TP63: variants seen among roughly 807,000 people sequenced by gnomAD.
TP63 encodes the protein tumor protein p63, also known as tumor protein 63.
In TP63, 17 loss-of-function variants were observed where a neutral mutation model predicts 82.8. The observed-to-expected ratio is 0.21, with a 90% CI of 0.14 to 0.31. The LOEUF is 0.31. Among genes scored for constraint, TP63 ranks in the 10% least tolerant of loss-of-function variants. TP63 has a pLI of 1.00. For missense variants in TP63, 648 were observed against 895.3 expected (o/e 0.72, Z 3.52); for synonymous variants, 330 against 321.7 (o/e 1.03, Z -0.28).
At chr3:189,603,390 A>G in the TP63 span, among the ~76,000 whole-genome samples, 1 of 152,054 alleles carries the variant, frequency 6.6e-6, no homozygotes, top group African/African-American at 2.4e-5. Context: ...TCTTCTCCTT[A>G]TCCTTCTGAG....
At chr3:189,706,788 G>C (rs528344552) in intron 1 of TP63, among the ~76,000 whole-genome samples, 1 of 152,164 alleles carries the variant, frequency 6.6e-6, no homozygotes, top group Non-Finnish European at 1.5e-5. Context: ...ATAGATAAGG[G>C]AGGATCACAG....
At chr3:189,640,968 T>A (rs964825248) in intron 1 of TP63, among the ~76,000 whole-genome samples, 1 of 152,124 alleles carries the variant, frequency 6.6e-6, no homozygotes, top group Admixed American at 6.6e-5. Flanking sequence ...AACATATGCC[T>A]TTTGGATTTT....
At chr3:189,664,222 C>T (rs1319892764) in intron 1 of TP63, among the ~76,000 whole-genome samples, 2 of 152,018 alleles carry the variant, frequency 1.3e-5, no homozygotes, top group Non-Finnish European at 2.9e-5. Context: ...ATGTGAACAG[C>T]AACAGGAATA....
chr3:189,703,471 C>A (rs1288611781), intron 1 of TP63, among the ~76,000 whole-genome samples: 1 of 41,022 alleles, frequency 2.4e-5, no homozygotes, highest in African/African-American at 9.6e-5. Context: ...TAGATACTCT[C>A]CCTGATGCTA....
intron 4 of TP63, among the ~76,000 whole-genome samples, 178 bp from the exon 5 acceptor site, chr3:189,864,054 A>G (rs991789836): frequency 1.3e-5 from 2 of 152,250 alleles, no homozygotes; most frequent in East Asian, 3.8e-4. Context: ...ATAGCACAAA[A>G]TATTAATATA....
intron 1 of TP63, among the ~76,000 whole-genome samples, chr3:189,734,523 G>A (rs11926051): frequency 0.43 from 64,956 of 151,818 alleles, 14,194 homozygotes; most frequent in African/African-American, 0.52. Context: ...ATAAGCTGGA[G>A]ATAATCACTT....
At chr3:189,823,481 G>A (rs1416581755) in intron 4 of TP63, among the ~76,000 whole-genome samples, 1 of 152,194 alleles carries the variant, frequency 6.6e-6, no homozygotes, top group Non-Finnish European at 1.5e-5. Context: ...GTGGAGCTGA[G>A]CACTCAGTCG....
chr3:189,759,219 G>T (rs1465936480), intron 3 of TP63, among the ~76,000 whole-genome samples: 1 of 152,174 alleles, frequency 6.6e-6, no homozygotes, highest in Admixed American at 6.6e-5. Context: ...CAAATTATTG[G>T]ATATCACTCC....
At chr3:189,659,788 T>C (rs1713711573) in intron 1 of TP63, among the ~76,000 whole-genome samples, 3 of 152,118 alleles carry the variant, frequency 2.0e-5, no homozygotes, top group African/African-American at 7.2e-5. Context: ...TTGACTTGCA[T>C]TTTCCTGATG....
At chr3:189,663,504 G>T (rs1714104074) in intron 1 of TP63, among the ~76,000 whole-genome samples, 1 of 144,128 alleles carries the variant, frequency 6.9e-6, no homozygotes, top group Admixed American at 7.2e-5. Flanking sequence ...TAATTTAAGT[G>T]GCTTATTTCA....
chr3:189,612,674 G>A, the TP63 span, among the ~76,000 whole-genome samples: 3 of 152,286 alleles, frequency 2.0e-5, no homozygotes, highest in Non-Finnish European at 4.4e-5. Flanking sequence ...AAGAAGACAG[G>A]AAAATGTGGG....
intron 4 of TP63, among the ~76,000 whole-genome samples, chr3:189,809,022 A>G (rs1727245667): frequency 6.6e-6 from 1 of 152,218 alleles, no homozygotes; most frequent in African/African-American, 2.4e-5. Flanking sequence ...ATGTTTATAC[A>G]TGTAGGTATC....
At chr3:189,854,317 G>A (rs914353500) in intron 4 of TP63, among the ~76,000 whole-genome samples, 7 of 152,090 alleles carry the variant, frequency 4.6e-5, no homozygotes, top group African/African-American at 9.7e-5. Flanking sequence ...GGCGACCCCC[G>A]CCTCCTGAGT....
intron 1 of TP63, among the ~76,000 whole-genome samples, chr3:189,699,166 C>A (rs1293811643): frequency 6.6e-6 from 1 of 151,868 alleles, no homozygotes; most frequent in Non-Finnish European, 1.5e-5. Context: ...GTGTTCCACG[C>A]TTACTGCCTC....
At chr3:189,670,663 A>C (rs143734986) in intron 1 of TP63, among the ~76,000 whole-genome samples, 94 of 152,198 alleles carry the variant, frequency 6.2e-4, no homozygotes, top group African/African-American at 2.1e-3. Context: ...TATGCTACAA[A>C]GCATTAGTAA....
At position 189,737,872 on chromosome 3, in the gene TP63, A is replaced by C; in HGVS notation, c.191+4A>C. On this transcript the variant is annotated splice_donor_region_variant and intron_variant, in intron 2 of 13. Coordinates refer to ENST00000264731, the MANE Select transcript of TP63 (RefSeq NM_003722.5). ...ATATCTGGGATTTTCTGGAACAGTAAGTATAAAACAAGCAAGAAATGTTTT... is the reference window on the plus strand; with the variant it reads ...ATATCTGGGATTTTCTGGAACAGTACGTATAAAACAAGCAAGAAATGTTTT... The C allele has an allele frequency of 6.2e-7, 1 of 1,613,862 alleles. No individual in the cohort carries two copies. The highest frequency in any genetic ancestry group is 8.5e-7 in the Non-Finnish European group (1 of 1,179,806).
the TP63 span, among the ~76,000 whole-genome samples, chr3:189,617,521 A>G: frequency 6.6e-6 from 1 of 152,110 alleles, no homozygotes. Context: ...TACATTATTG[A>G]GGTTGCAAAA....
At chr3:189,811,553 A>T (rs1027008984) in intron 4 of TP63, among the ~76,000 whole-genome samples, 2 of 152,226 alleles carry the variant, frequency 1.3e-5, no homozygotes, top group African/African-American at 4.8e-5. Context: ...AAAAGATGTA[A>T]GTTCTTCGTC....
intron 9 of TP63, among the ~76,000 whole-genome samples, chr3:189,872,400 A>AACACACACACACACACAC (rs60097753): frequency 2.0e-5 from 3 of 147,116 alleles, no homozygotes; most frequent in African/African-American, 7.5e-5. Context: ...AAGTTTCTCT[A>AACACACACACACACACAC]ACACACACAC....
Sources: gnomAD v4.1 joint callset for allele counts (sites outside exome capture counted in the v4.1 genomes callset) on GRCh38, gnomAD v4.1.1 for gene constraint, MANE v1.5 for transcripts, NCBI Gene and HGNC (gene_info 2026-07-23, HGNC 2026-07-21) for gene names.